Variants in POU2AF2 observed in about 807,000 individuals in gnomAD.
The protein encoded by POU2AF2 is POU class 2 homeobox associating factor 2, also known as POU domain class 2-associating factor 2.
At chr11:111,278,033 GTT>G in the POU2AF2 span, among the ~76,000 whole-genome samples, 1 of 152,176 alleles carries the variant, frequency 6.6e-6, no homozygotes, top group Admixed American at 6.5e-5. Context: ...ATGCCCGAGA[GTT>G]CCCTTCTGCC....
chr11:111,273,688 A>G, the POU2AF2 span, among the ~76,000 whole-genome samples: 1 of 152,206 alleles, frequency 6.6e-6, no homozygotes, highest in East Asian at 1.9e-4. Context: ...CTAGGTTGGC[A>G]CCTAAAAATA....
chr11:111,249,599 A>G, the POU2AF2 span, among the ~76,000 whole-genome samples: 15 of 152,066 alleles, frequency 9.9e-5, no homozygotes, highest in Non-Finnish European at 1.8e-4. Context: ...GCTCTTTCCC[A>G]TTTTCTAAAG....
At chr11:111,266,640 G>A in the POU2AF2 span, among the ~76,000 whole-genome samples, 1 of 152,132 alleles carries the variant, frequency 6.6e-6, no homozygotes, top group Non-Finnish European at 1.5e-5. Flanking sequence ...GGGATAAATA[G>A]TAATGAATAA....
At chr11:111,284,281 G>T in the POU2AF2 span, 1 of 1,613,828 alleles carries the variant, frequency 6.2e-7, no homozygotes, top group South Asian at 1.1e-5. Flanking sequence ...ACCGGCCTCC[G>T]GCGCTGACGC....
At chr11:111,280,057 A>AATATATATATATATATATAT in the POU2AF2 span, among the ~76,000 whole-genome samples, 66 of 76,440 alleles carry the variant, frequency 8.6e-4, no homozygotes, top group Non-Finnish European at 1.2e-3. Flanking sequence ...AAAAAAAAAA[A>AATATATATATATATATATAT]ATATATATAT....
chr11:111,272,844 G>C, the POU2AF2 span, among the ~76,000 whole-genome samples: 1 of 152,138 alleles, frequency 6.6e-6, no homozygotes, highest in Non-Finnish European at 1.5e-5. Flanking sequence ...CCCTGAAGAA[G>C]AGCTGTGCTT....
At chr11:111,276,320 G>A in the POU2AF2 span, among the ~76,000 whole-genome samples, 33 of 151,122 alleles carry the variant, frequency 2.2e-4, no homozygotes, top group Non-Finnish European at 3.4e-4. Flanking sequence ...GATACTGGCC[G>A]GGCGCGGTGG....
At chr11:111,269,956 T>A in the POU2AF2 span, among the ~76,000 whole-genome samples, 1 of 152,226 alleles carries the variant, frequency 6.6e-6, no homozygotes, top group African/African-American at 2.4e-5. Context: ...ATCACAGTTT[T>A]CAAAAGATTT....
the POU2AF2 span, among the ~76,000 whole-genome samples, chr11:111,276,449 AAAAAATATAT>A: frequency 1.6e-4 from 8 of 49,730 alleles, no homozygotes; most frequent in Non-Finnish European, 2.0e-4. Context: ...GAAAAAAAAA[AAAAAATATAT>A]ATATATATAT....
the POU2AF2 span, among the ~76,000 whole-genome samples, chr11:111,264,559 AGAAAGAAAGAAAGAAAGG>A: frequency 0.087 from 5,845 of 67,174 alleles, 808 homozygotes; most frequent in Middle Eastern, 0.2. Context: ...AAAGAAAGAA[AGAAAGAAAGAAAGAAAGG>A]GAGAGAGAAA....
At chr11:111,265,223 C>A in the POU2AF2 span, among the ~76,000 whole-genome samples, 8 of 152,244 alleles carry the variant, frequency 5.3e-5, no homozygotes, top group East Asian at 1.5e-3. Context: ...CTTCAAAATT[C>A]AGTTCTCATC....
the POU2AF2 span, among the ~76,000 whole-genome samples, chr11:111,267,126 C>G: frequency 2.0e-4 from 31 of 152,322 alleles, no homozygotes; most frequent in African/African-American, 7.0e-4. Flanking sequence ...ACCTTCCTTT[C>G]CTACGATACT....
At chr11:111,282,442 G>A in the POU2AF2 span, among the ~76,000 whole-genome samples, 1 of 152,244 alleles carries the variant, frequency 6.6e-6, no homozygotes, top group Non-Finnish European at 1.5e-5. Flanking sequence ...AATGTAAGAT[G>A]AAAGTGAAGT....
chr11:111,264,724 A>C, the POU2AF2 span, among the ~76,000 whole-genome samples: 1 of 149,782 alleles, frequency 6.7e-6, no homozygotes, highest in Non-Finnish European at 1.5e-5. Context: ...GAAGAGAAAG[A>C]AAGAAAGAGA....
chr11:111,247,177 CACAT>C, the POU2AF2 span, among the ~76,000 whole-genome samples: 58 of 62,504 alleles, frequency 9.3e-4, no homozygotes, highest in Middle Eastern at 5.6e-3. Flanking sequence ...TATATTCATA[CACAT>C]ACACACACAC....
chr11:111,266,734 T>C, the POU2AF2 span, among the ~76,000 whole-genome samples: 2 of 152,242 alleles, frequency 1.3e-5, no homozygotes, highest in African/African-American at 2.4e-5. Flanking sequence ...ATATATTTCA[T>C]GTATCAACAC....
At chr11:111,256,742 A>G in the POU2AF2 span, among the ~76,000 whole-genome samples, 1 of 152,252 alleles carries the variant, frequency 6.6e-6, no homozygotes, top group Non-Finnish European at 1.5e-5. Context: ...ACTGTAGTTC[A>G]TGGCAATTAA....
the POU2AF2 span, among the ~76,000 whole-genome samples, chr11:111,276,714 C>A: frequency 6.9e-6 from 1 of 144,376 alleles, no homozygotes; most frequent in Non-Finnish European, 1.5e-5. Flanking sequence ...ATTGTGGAAG[C>A]TAAAAGACAG....
the POU2AF2 span, chr11:111,285,851 C>T: frequency 6.2e-7 from 1 of 1,609,832 alleles, no homozygotes; most frequent in East Asian, 2.2e-5. Context: ...TCTGGAAGAT[C>T]TGCACCACAC....
Sources: gnomAD v4.1 joint callset for allele counts (sites outside exome capture counted in the v4.1 genomes callset) on GRCh38, gnomAD v4.1.1 for gene constraint, MANE v1.5 for transcripts, NCBI Gene and HGNC (gene_info 2026-07-23, HGNC 2026-07-21) for gene names.